Variants in STRN observed in about 807,000 individuals in gnomAD.
The protein encoded by STRN is protein phosphatase 2 regulatory subunit B'''alpha.
STRN carries 53 observed loss-of-function variants against 96.3 expected under a neutral mutation model. That is an observed-to-expected ratio of 0.55 (90% CI 0.44 to 0.69). STRN has a LOEUF of 0.69. Ranked by LOEUF, STRN falls within the 30% of genes least tolerant of loss-of-function variation. The pLI is 0.00. For synonymous variants in STRN, 428 were observed against 355.9 expected (o/e 1.20, Z -2.28); for missense variants, 987 against 963.9 (o/e 1.02, Z -0.32).
intron 6 of STRN, among the ~76,000 whole-genome samples, chr2:36,895,797 AC>A (rs1669525936): frequency 6.6e-6 from 1 of 150,480 alleles, no homozygotes; most frequent in Non-Finnish European, 1.5e-5. Context: ...GGTGGTGGGC[AC>A]CTGTAGTCCC....
chr2:36,964,792 C>T (rs1442143873), intron 1 of STRN, among the ~76,000 whole-genome samples: 2 of 152,200 alleles, frequency 1.3e-5, no homozygotes, highest in Non-Finnish European at 2.9e-5. Context: ...CCATTATATT[C>T]TATAGGCGCA....
chr2:36,917,759 T>C (rs1670148134), intron 2 of STRN, among the ~76,000 whole-genome samples: 1 of 152,080 alleles, frequency 6.6e-6, no homozygotes, highest in Non-Finnish European at 1.5e-5. Context: ...ACATGAGTAT[T>C]TTTTATAACA....
chr2:36,902,797 T>G (rs1353407589), intron 4 of STRN, 46 bp from the exon 5 acceptor site: 1 of 1,458,922 alleles, frequency 6.9e-7, no homozygotes, highest in Non-Finnish European at 9.3e-7. Context: ...GGAATCAGTA[T>G]TCTATAATTT....
chr2:36,942,082 T>C (rs1670860017), intron 1 of STRN, among the ~76,000 whole-genome samples: 1 of 152,146 alleles, frequency 6.6e-6, no homozygotes, highest in Non-Finnish European at 1.5e-5. Flanking sequence ...GAGTGATACA[T>C]GTATGTCTGC....
intron 3 of STRN, among the ~76,000 whole-genome samples, chr2:36,912,644 C>T (rs562724863): frequency 5.3e-5 from 8 of 152,164 alleles, no homozygotes; most frequent in Non-Finnish European, 1.2e-4. Flanking sequence ...ACATACAGCT[C>T]CTGGGTGACT....
In STRN at chr2:36,916,164, T is replaced by G. The variant is rs1194496456; in HGVS notation, c.339-13A>C. On this transcript the variant is annotated splice_polypyrimidine_tract_variant and intron_variant, in intron 2 of 17. Coordinates refer to ENST00000263918, the MANE Select transcript of STRN (RefSeq NM_003162.4). ...GTGGTATTTGGCTCTAACAAAGAAA[T>G]GAGAAAATACAGACCATCTTAAAAT... is the stretch of plus-strand genomic sequence containing the variant. 6.2e-7 allele frequency: 1 copy of G among 1,603,684 alleles called. No homozygotes were observed. Among genetic ancestry groups the G allele is most frequent in the Non-Finnish European group, 8.5e-7 (1 of 1,171,356 alleles).
intron 2 of STRN, among the ~76,000 whole-genome samples, chr2:36,922,243 G>A (rs1479801796): frequency 9.2e-5 from 14 of 152,146 alleles, no homozygotes; most frequent in Non-Finnish European, 1.8e-4. Context: ...TTTTGGCTGG[G>A]CATGGTGACT....
chr2:36,902,678 A>G lies in STRN; in HGVS notation c.565T>C (p.Phe189Leu). ...TCCCTGTCCGTGACATCACTTGAAA[A>G]GCCCAACAAAGCTCGCACTCGTTTA... is the stretch of plus-strand genomic sequence containing the variant. ...KSKRVRALLG[F>L]SSDVTDREDD... The change falls in exon 5 of 18, where the codon TTT becomes CTT. Residue 189 changes from phenylalanine (F) to leucine (L), a missense_variant. Transcript: ENST00000263918. The G allele has an allele frequency of 1.9e-6, 3 of 1,612,218 alleles. No individual in the cohort carries two copies. The highest frequency in any genetic ancestry group is 2.5e-6 in the Non-Finnish European group (3 of 1,178,686).
At chr2:36,905,762 TTC>T (rs1301232130) in intron 3 of STRN, 144 bp from the exon 4 acceptor site, 11 of 645,152 alleles carry the variant, frequency 1.7e-5, no homozygotes, top group Admixed American at 6.3e-5. Flanking sequence ...ATAATGTAAG[TTC>T]TGTTTTTTAA....
rs1403240834 is a variant in STRN at position 36,902,762 on chromosome 2, A to G, written c.492-11T>C. ...ACCTCCTGTAGATACCTGTGTGAAG[A>G]GAATCCTTAGAGTTCAGTCATACTG... On this transcript the variant is annotated splice_polypyrimidine_tract_variant and intron_variant, in intron 4 of 17. Transcript: ENST00000263918. 3 of 1,585,700 alleles carry G rather than the reference A, an allele frequency of 1.9e-6. No homozygotes were observed. The African/African-American group carries it at 4.0e-5, about 21-fold the overall frequency.
At chr2:36,874,072 G>A (rs927470540) in intron 10 of STRN, among the ~76,000 whole-genome samples, 23 of 151,104 alleles carry the variant, frequency 1.5e-4, no homozygotes, top group Admixed American at 1.3e-3. Flanking sequence ...TGGCTAACAC[G>A]GTGAAAACCC....
chr2:36,894,140 T>C, intron 6 of STRN, 107 bp from the exon 7 acceptor site: 1 of 1,252,598 alleles, frequency 8.0e-7, no homozygotes, highest in Non-Finnish European at 1.1e-6. Context: ...TTGTGTTAAA[T>C]AACTGTACTA....
intron 2 of STRN, among the ~76,000 whole-genome samples, chr2:36,918,107 T>C (rs539367498): frequency 1.5e-4 from 23 of 152,306 alleles, no homozygotes; most frequent in African/African-American, 4.8e-4. Context: ...TAAATATGTT[T>C]AGTCCAAATT....
chr2:36,936,927 C>T (rs914358450), intron 1 of STRN, among the ~76,000 whole-genome samples: 2 of 152,144 alleles, frequency 1.3e-5, no homozygotes, highest in Admixed American at 6.5e-5. Context: ...TATGTTCTTA[C>T]ATATTTAGGT....
chr2:36,917,197 G>T (rs976594781), intron 2 of STRN, among the ~76,000 whole-genome samples: 1 of 151,076 alleles, frequency 6.6e-6, no homozygotes, highest in African/African-American at 2.4e-5. Context: ...AAACCTAATA[G>T]AGCACTTACC....
chr2:36,876,378 A>C (rs562413248), intron 10 of STRN, among the ~76,000 whole-genome samples: 1 of 152,136 alleles, frequency 6.6e-6, no homozygotes, highest in African/African-American at 2.4e-5. Flanking sequence ...TCTGGCTAAG[A>C]AAAAAATGGA....
At chr2:36,951,926 G>A (rs561153547) in intron 1 of STRN, among the ~76,000 whole-genome samples, 1 of 152,324 alleles carries the variant, frequency 6.6e-6, no homozygotes, top group East Asian at 1.9e-4. Flanking sequence ...AGGCAACGCT[G>A]ATTCTCATAG....
At position 36,874,301 on chromosome 2, in the gene STRN, T is replaced by C. The variant is rs544190751; in HGVS notation, c.1323+3590A>G. On this transcript the variant is annotated intron_variant, in intron 10 of 17. Coordinates refer to ENST00000263918, the MANE Select transcript of STRN (RefSeq NM_003162.4). The stretch of plus-strand genomic sequence containing the variant: ...AAGAGCAAAAACTGTAAGACCTCAA[T>C]AGACAGGCTTAACTACTGACTACAG... Among the ~76,000 whole-genome samples, 12 of 148,722 alleles carry C rather than the reference T, an allele frequency of 8.1e-5. No individual in the cohort carries two copies. The South Asian group carries it at 2.5e-3, about 32-fold the overall frequency.
chr2:36,897,198 C>T (rs1669564260), intron 6 of STRN, among the ~76,000 whole-genome samples: 1 of 151,486 alleles, frequency 6.6e-6, no homozygotes. Flanking sequence ...AATAAAATAA[C>T]ATTTTTAAAA....
Sources: gnomAD v4.1 joint callset for allele counts (sites outside exome capture counted in the v4.1 genomes callset) on GRCh38, gnomAD v4.1.1 for gene constraint, MANE v1.5 for transcripts, NCBI Gene and HGNC (gene_info 2026-07-23, HGNC 2026-07-21) for gene names.